Variants in GLYATL3 observed in about 807,000 individuals in gnomAD.
The protein encoded by GLYATL3 is glycine-N-acyltransferase like 3, also known as glycine N-acyltransferase-like protein 3.
Under a neutral mutation model 28.5 loss-of-function variants are expected in GLYATL3, and 31 were observed. The observed-to-expected ratio is 1.09, with a 90% CI of 0.82 to 1.47. GLYATL3 has a LOEUF of 1.47. Ranked by LOEUF, GLYATL3 falls within the 40% of genes most tolerant of loss-of-function variation. The probability of loss-of-function intolerance (pLI) is 0.00; values close to 1 mark genes in which losing one functional copy is unlikely to be tolerated. For synonymous variants in GLYATL3, 141 were observed against 140.2 expected, an observed-to-expected ratio of 1.01 and a Z score of -0.04; for missense variants, 369 against 351.5, an observed-to-expected ratio of 1.05 and a Z score of -0.40.
chr6:49,500,481 G>A (rs1404733086), intron 1 of GLYATL3, among the ~76,000 whole-genome samples: 2 of 152,080 alleles, frequency 1.3e-5, no homozygotes, highest in Non-Finnish European at 2.9e-5. Flanking sequence ...GAGATCTTAT[G>A]TTTTATTGCT....
At chr6:49,519,245 C>G (rs1769272654) in intron 4 of GLYATL3, among the ~76,000 whole-genome samples, 1 of 151,200 alleles carries the variant, frequency 6.6e-6, no homozygotes, top group African/African-American at 2.4e-5. Context: ...TATATAATTT[C>G]CAATATCTTT....
chr6:49,511,934 T>TG, intron 1 of GLYATL3, 29 bp from the exon 2 acceptor site: 1 of 844,382 alleles, frequency 1.2e-6, no homozygotes, highest in Non-Finnish European at 1.9e-6. Context: ...AGGCAAAAAT[T>TG]AAATGCCTAC....
chr6:49,513,283 A>G (rs1769155088), intron 2 of GLYATL3, among the ~76,000 whole-genome samples: 1 of 152,130 alleles, frequency 6.6e-6, no homozygotes, highest in Non-Finnish European at 1.5e-5. Context: ...AAGTTCCTTC[A>G]TAAGTTCTCA....
intron 5 of GLYATL3, among the ~76,000 whole-genome samples, chr6:49,522,095 T>C (rs1218413661): frequency 6.6e-6 from 1 of 152,162 alleles, no homozygotes; most frequent in African/African-American, 2.4e-5. Flanking sequence ...TTCTAAATAA[T>C]ATATACTGTC....
At position 49,526,778 on chromosome 6, in the gene GLYATL3, C is replaced by T; in HGVS notation, c.731C>T (p.Pro244Leu). ...LARKLQSRGF[P>L]SQGNVLDDNT... ...AGGAAGTTGCAAAGCCGGGGATTCC[C>T]CTCTCAGGGGAACGTCCTGGATGAC... Residue 244 changes from proline to leucine, a missense_variant, in exon 6 of 6, where the codon CCC becomes CTC. Transcript: ENST00000371197. 6.4e-7 allele frequency: 1 copy of T among 1,551,922 alleles called. No homozygotes were observed. Among genetic ancestry groups the T allele is most frequent in the Non-Finnish European group, 8.7e-7 (1 of 1,147,038 alleles).
intron 5 of GLYATL3, among the ~76,000 whole-genome samples, chr6:49,526,133 A>G (rs1327808772): frequency 6.6e-6 from 1 of 152,130 alleles, no homozygotes; most frequent in African/African-American, 2.4e-5. Context: ...GAGTAGTTAT[A>G]GGTCGGGCAT....
At chr6:49,524,508 A>C (rs1378079066) in intron 5 of GLYATL3, among the ~76,000 whole-genome samples, 2 of 152,182 alleles carry the variant, frequency 1.3e-5, no homozygotes, top group Non-Finnish European at 2.9e-5. Flanking sequence ...AGTTTTGAGA[A>C]ATTGCAGCAA....
chr6:49,508,385 AAC>A (rs1482652630), intron 1 of GLYATL3, among the ~76,000 whole-genome samples: 1 of 152,218 alleles, frequency 6.6e-6, no homozygotes, highest in African/African-American at 2.4e-5. Context: ...AATCAGCAGT[AAC>A]AGTTGAAGCA....
intron 2 of GLYATL3, among the ~76,000 whole-genome samples, chr6:49,514,385 A>G (rs1769175750): frequency 6.6e-6 from 1 of 152,244 alleles, no homozygotes; most frequent in Non-Finnish European, 1.5e-5. Context: ...GCGACAATGT[A>G]CTTATTCATT....
In GLYATL3 at chr6:49,517,532, T is replaced by C; in HGVS notation, c.289T>C (p.Trp97Arg). The change falls in exon 4 of 6, where the codon TGG becomes CGG. Residue 97 changes from tryptophan (W) to arginine (R), a missense_variant. Transcript: ENST00000371197. The part of the protein sequence containing the change: ...QLLEECDVFN[W>R]DQVFQIQGLQ... The stretch of plus-strand genomic sequence containing the variant: ...ATTGGAAGAATGTGATGTTTTTAAC[T>C]GGGACCAAGTTTTTCAAATACAAGG... 1.3e-6 allele frequency: 2 copies of C among 1,551,054 alleles called. No individual in the cohort carries two copies. Among genetic ancestry groups the C allele is most frequent in the South Asian group, 2.4e-5 (2 of 83,786 alleles).
intron 5 of GLYATL3, among the ~76,000 whole-genome samples, chr6:49,522,372 C>G (rs2396904): frequency 0.98 from 148,285 of 151,964 alleles, 72,464 homozygotes; most frequent in South Asian, 1. Context: ...TCAAAACACT[C>G]ATTAGTTTGT....
intron 2 of GLYATL3, among the ~76,000 whole-genome samples, chr6:49,512,278 T>C (rs1769136120): frequency 8.7e-6 from 1 of 115,456 alleles, no homozygotes; most frequent in South Asian, 2.8e-4. Flanking sequence ...TTTTTTTTTT[T>C]TCTTTCTTTT....
At chr6:49,521,411 A>C (rs1386022358) in intron 4 of GLYATL3, among the ~76,000 whole-genome samples, 4 of 152,180 alleles carry the variant, frequency 2.6e-5, no homozygotes, top group Non-Finnish European at 5.9e-5. Flanking sequence ...TTCTATGAAG[A>C]TCGTGATGAG....
chr6:49,511,753 C>T (rs148231343), intron 1 of GLYATL3, among the ~76,000 whole-genome samples: 3 of 152,282 alleles, frequency 2.0e-5, no homozygotes, highest in African/African-American at 7.2e-5. Context: ...GATAGATACT[C>T]ACATCTGTTT....
chr6:49,504,990 G>A (rs776940475), intron 1 of GLYATL3, among the ~76,000 whole-genome samples: 22 of 152,242 alleles, frequency 1.4e-4, no homozygotes, highest in Non-Finnish European at 2.1e-4. Context: ...GATTAACTCC[G>A]AGAGATTGTG....
chr6:49,521,481 C>A (rs1769314714), intron 4 of GLYATL3, among the ~76,000 whole-genome samples, 164 bp from the exon 5 acceptor site: 1 of 152,100 alleles, frequency 6.6e-6, no homozygotes, highest in African/African-American at 2.4e-5. Context: ...GAAACTTAGA[C>A]AATAGCTGTA....
chr6:49,526,655 G>T lies in GLYATL3; in HGVS notation c.608G>T (p.Trp203Leu), dbSNP rs1040791310. 1 of 1,551,800 alleles carries T rather than the reference G, an allele frequency of 6.4e-7. No homozygotes were observed. Among genetic ancestry groups the T allele is most frequent in the Admixed American group, 2.0e-5 (1 of 50,994 alleles). ...VRDEKGNPVS[W>L]SITDQFATMC... ...GATGAGAAGGGAAACCCGGTCTCCT[G>T]GTCCATCACAGACCAGTTTGCCACC... Residue 203 changes from tryptophan to leucine, a missense_variant, in exon 6 of 6, where the codon TGG becomes TTG. By Grantham distance (61) the Trp-to-Leu change is moderately conservative. Transcript: ENST00000371197.
chr6:49,520,278 T>C (rs904674381), intron 4 of GLYATL3, among the ~76,000 whole-genome samples: 3 of 152,068 alleles, frequency 2.0e-5, no homozygotes, highest in Non-Finnish European at 4.4e-5. Context: ...ATTAAAAAAT[T>C]TGAGACCAAA....
intron 4 of GLYATL3, among the ~76,000 whole-genome samples, chr6:49,517,951 A>G (rs13209935): frequency 0.091 from 13,807 of 152,264 alleles, 872 homozygotes; most frequent in Middle Eastern, 0.17. Flanking sequence ...GCCAATAGGT[A>G]GGCCTTTTAT....
Sources: gnomAD v4.1 joint callset for allele counts (sites outside exome capture counted in the v4.1 genomes callset) on GRCh38, gnomAD v4.1.1 for gene constraint, MANE v1.5 for transcripts, NCBI Gene and HGNC (gene_info 2026-07-23, HGNC 2026-07-21) for gene names.